ROBO2: variants seen among roughly 807,000 people sequenced by gnomAD.
ROBO2 encodes the protein roundabout guidance receptor 2.
In ROBO2, 53 loss-of-function variants were observed where a neutral mutation model predicts 160.8. The ratio of observed to expected loss-of-function variants is 0.33; its 90% CI spans 0.26 to 0.41. ROBO2 has a LOEUF of 0.41. ROBO2 is among the 10% of genes least tolerant of loss of function. The pLI, the probability that ROBO2 is intolerant of heterozygous loss-of-function variation, is 1.00. For missense variants in ROBO2, 1,577 were observed against 1,722.4 expected (o/e 0.92, Z 1.49); for synonymous variants, 664 against 611.7 (o/e 1.09, Z -1.26).
chr3:77,140,258 T>G (rs1683644486), intron 2 of ROBO2, among the ~76,000 whole-genome samples: 1 of 152,154 alleles, frequency 6.6e-6, no homozygotes, highest in Non-Finnish European at 1.5e-5. Context: ...AGATGAAATG[T>G]TTTAAAGCTG....
chr3:77,095,959 T>C (rs1258785746), intron 1 of ROBO2, among the ~76,000 whole-genome samples: 1 of 152,162 alleles, frequency 6.6e-6, no homozygotes, highest in African/African-American at 2.4e-5. Flanking sequence ...AATTACTCTT[T>C]TGCTTTAGAT....
chr3:76,776,343 T>C (rs2062257148), intron 2 of ROBO2, among the ~76,000 whole-genome samples: 1 of 151,026 alleles, frequency 6.6e-6, no homozygotes, highest in South Asian at 2.1e-4. Context: ...GTTTGATGTT[T>C]TTATGTTTTT....
intron 1 of ROBO2, among the ~76,000 whole-genome samples, chr3:77,055,783 A>G (rs539240331): frequency 1.7e-3 from 262 of 152,338 alleles, no homozygotes; most frequent in South Asian, 1.7e-3. Flanking sequence ...AATTTATATA[A>G]CTACGAGATG....
At chr3:77,410,283 A>T (rs1414805756) in intron 2 of ROBO2, among the ~76,000 whole-genome samples, 1 of 152,148 alleles carries the variant, frequency 6.6e-6, no homozygotes, top group African/African-American at 2.4e-5. Flanking sequence ...ATGACCTCCC[A>T]TTAATGTAAG....
At position 76,979,556 on chromosome 3, in the gene ROBO2, T is replaced by C. The variant is rs2059984903; in HGVS notation, c.110-118458T>C. ...TCAAAAGACATGATTTCATTTTTCT[T>C]TATTGCTGAATGGTATTGGGGTGTA... is the stretch of plus-strand genomic sequence containing the variant. On this transcript the variant is annotated intron_variant, in intron 2 of 26. Coordinates refer to the ROBO2 transcript ENST00000487694. Among the ~76,000 whole-genome samples, 3 of 151,950 alleles carry C rather than the reference T, an allele frequency of 2.0e-5. No individual in the cohort carries two copies. The South Asian group carries it at 6.2e-4, about 32-fold the overall frequency.
intron 2 of ROBO2, among the ~76,000 whole-genome samples, chr3:76,576,894 T>C (rs746333988): frequency 1.3e-5 from 2 of 151,956 alleles, no homozygotes; most frequent in African/African-American, 2.4e-5. Flanking sequence ...AAATCTGGAA[T>C]TGGCACTTTC....
rs554485162 is a variant in ROBO2 at position 76,395,184 on chromosome 3, G to A, written c.109+457582G>A. On this transcript the variant is annotated intron_variant, in intron 2 of 26. Coordinates refer to the ROBO2 transcript ENST00000487694. ...AGGATTAAGAAACTCACTCAAAACC[G>A]CTCAACTACATGGAAACTGAACAAC... Among the ~76,000 whole-genome samples the A allele has an allele frequency of 3.4e-3, 498 of 148,016 alleles. 6 individuals carry two copies. Among genetic ancestry groups the A allele is most frequent in the Admixed American group, 0.025 (362 of 14,618 alleles).
rs149901458 is a variant in ROBO2 at position 77,480,840 on chromosome 3, A to G, written c.547-259A>G. Among the ~76,000 whole-genome samples the G allele has an allele frequency of 2.0e-3, 304 of 152,316 alleles. 1 individual carries two copies. Among genetic ancestry groups the G allele is most frequent in the African/African-American group, 6.4e-3 (266 of 41,580 alleles). ...CTAACTACTGGGATTTAGGGAGGTC[A>G]GTCACAAGACTCAAAATGCGATCAG... On this transcript the variant is annotated intron_variant, in intron 3 of 25. Coordinates refer to ENST00000461745, the Ensembl canonical transcript of ROBO2.
intron 2 of ROBO2, among the ~76,000 whole-genome samples, chr3:77,010,166 G>A (rs1215999336): frequency 2.0e-5 from 3 of 152,084 alleles, no homozygotes; most frequent in Admixed American, 6.6e-5. Context: ...TCAGAAACAC[G>A]GAGGATTGCC....
chr3:77,290,241 T>C (rs1197937135), intron 2 of ROBO2, among the ~76,000 whole-genome samples: 13 of 129,670 alleles, frequency 1.0e-4, no homozygotes, highest in Middle Eastern at 5.3e-3. Context: ...TAAAGTAAAA[T>C]TGATGGTTAA....
At chr3:76,314,711 A>G (rs1209996419) in intron 2 of ROBO2, among the ~76,000 whole-genome samples, 1 of 152,102 alleles carries the variant, frequency 6.6e-6, no homozygotes. Context: ...TCCCTAGCTT[A>G]CTTTACTGTA....
chr3:77,436,043 G>T (rs142173637), intron 2 of ROBO2, among the ~76,000 whole-genome samples: 11 of 150,732 alleles, frequency 7.3e-5, no homozygotes, highest in East Asian at 6.1e-4. Context: ...GAAAAAAAAA[G>T]ACATGATATG....
At chr3:77,039,642 C>T (rs1462952086), upstream of ROBO2, among the ~76,000 whole-genome samples, 1 of 152,096 alleles carries the variant, frequency 6.6e-6, no homozygotes, top group Non-Finnish European at 1.5e-5. Flanking sequence ...CATCTCCGTC[C>T]CCCCGGGGAC....
At position 77,115,274 on chromosome 3, in the gene ROBO2, AG is replaced by A. The variant is rs567546304; in HGVS notation, c.388+16935del. On this transcript the variant is annotated intron_variant, in intron 2 of 25. Transcript: ENST00000461745. Reference sequence around the variant, plus strand: ...AGTAATTTAGAGAAATTTCAGAACTAGTTTTTCTATTTTTCAAAGAATATTT... The same window carrying A: ...AGTAATTTAGAGAAATTTCAGAACTATTTTTCTATTTTTCAAAGAATATTT... Among the ~76,000 whole-genome samples the A allele has an allele frequency of 2.5e-4, 38 of 152,288 alleles. No homozygotes were observed. The East Asian group carries it at 6.9e-3, about 28-fold the overall frequency.
chr3:75,911,292 C>G (rs2106729766), intron 1 of ROBO2, among the ~76,000 whole-genome samples: 1 of 152,178 alleles, frequency 6.6e-6, no homozygotes, highest in Non-Finnish European at 1.5e-5. Flanking sequence ...CTATTACAGA[C>G]CCATGATTAA....
At chr3:76,061,116 A>G (rs1456302422) in intron 2 of ROBO2, among the ~76,000 whole-genome samples, 2 of 152,242 alleles carry the variant, frequency 1.3e-5, no homozygotes, top group African/African-American at 4.8e-5. Context: ...CAAAAAATCA[A>G]TGTCAAGGTG....
chr3:76,875,382 A>C (rs2072597852), intron 2 of ROBO2, among the ~76,000 whole-genome samples: 1 of 152,214 alleles, frequency 6.6e-6, no homozygotes, highest in African/African-American at 2.4e-5. Flanking sequence ...TGCATAGTGT[A>C]TTAGATTCCT....
At chr3:77,322,340 T>C (rs1390651352) in intron 2 of ROBO2, among the ~76,000 whole-genome samples, 1 of 152,146 alleles carries the variant, frequency 6.6e-6, no homozygotes, top group Admixed American at 6.6e-5. Flanking sequence ...TGCTCACATA[T>C]GAAGTAGCAC....
chr3:76,752,056 T>A (rs1040051473), intron 2 of ROBO2, among the ~76,000 whole-genome samples: 2 of 152,100 alleles, frequency 1.3e-5, no homozygotes, highest in Non-Finnish European at 2.9e-5. Flanking sequence ...TGTCCATCAA[T>A]GATAGACTAG....
Sources: gnomAD v4.1 joint callset for allele counts (sites outside exome capture counted in the v4.1 genomes callset) on GRCh38, gnomAD v4.1.1 for gene constraint, MANE v1.5 for transcripts, NCBI Gene and HGNC (gene_info 2026-07-23, HGNC 2026-07-21) for gene names.